LCLAT1: variants seen among roughly 807,000 people sequenced by gnomAD.
The protein encoded by LCLAT1 is 1-AGP acyltransferase 8.
A neutral mutation model predicts 30.7 loss-of-function variants in LCLAT1; 11 were observed. That is an observed-to-expected ratio of 0.36 (90% CI 0.23 to 0.59). LCLAT1 has a LOEUF of 0.59. LCLAT1 is among the 20% of genes least tolerant of loss of function. The pLI, the probability that LCLAT1 is intolerant of heterozygous loss-of-function variation, is 0.77. For synonymous variants in LCLAT1, 155 were observed against 151.3 expected (o/e 1.02, Z -0.18); for missense variants, 402 against 458.6 (o/e 0.88, Z 1.13).
At chr2:30,627,438 T>C (rs906599731) in intron 5 of LCLAT1, among the ~76,000 whole-genome samples, 3 of 152,212 alleles carry the variant, frequency 2.0e-5, no homozygotes, top group African/African-American at 7.2e-5. Flanking sequence ...TTTGTGACCT[T>C]CTAGGTGCAT....
chr2:30,527,027 A>G (rs1039533574), intron 2 of LCLAT1, among the ~76,000 whole-genome samples: 3 of 152,140 alleles, frequency 2.0e-5, no homozygotes, highest in Non-Finnish European at 4.4e-5. Flanking sequence ...ATCACTCTCT[A>G]TTTACAAGGT....
chr2:30,501,080 GTGTGTGTGTGTGTGTGTA>G (rs1018978230), intron 1 of LCLAT1, among the ~76,000 whole-genome samples: 2 of 77,050 alleles, frequency 2.6e-5, no homozygotes, highest in Non-Finnish European at 5.0e-5. Flanking sequence ...TTTGTTCTGT[GTGTGTGTGTGTGTGTGTA>G]TGTGTGTGTG....
intron 5 of LCLAT1, among the ~76,000 whole-genome samples, chr2:30,585,748 C>G (rs1482491122): frequency 6.6e-6 from 1 of 152,100 alleles, no homozygotes; most frequent in East Asian, 1.9e-4. Context: ...ATTTGAACAC[C>G]TTATCCCTGT....
At chr2:30,499,773 A>G (rs567407695) in intron 1 of LCLAT1, among the ~76,000 whole-genome samples, 161 of 152,358 alleles carry the variant, frequency 1.1e-3, no homozygotes, top group African/African-American at 3.7e-3. Flanking sequence ...ACATCCTGCA[A>G]GTACCAATTG....
chr2:30,471,720 T>C (rs1372065014), intron 1 of LCLAT1, among the ~76,000 whole-genome samples: 2 of 152,182 alleles, frequency 1.3e-5, no homozygotes, highest in Non-Finnish European at 2.9e-5. Flanking sequence ...TTGGTTTTTG[T>C]GTGTTGATCT....
chr2:30,597,628 C>G lies in LCLAT1; in HGVS notation c.628+29452C>G, dbSNP rs573875101. Among the ~76,000 whole-genome samples, 226 of 152,176 alleles carry G rather than the reference C, an allele frequency of 1.5e-3. 1 individual carries two copies. The highest frequency in any genetic ancestry group is 2.5e-3 in the Non-Finnish European group (169 of 68,012). ...GCTTCCTCTCTTCCTATGTAGATAC[C>G]CTTTGTTTCTTTCTCTTGCTTGATT... On this transcript the variant is annotated intron_variant, in intron 5 of 5. Transcript: ENST00000379509.
chr2:30,479,684 G>A (rs915713830), intron 1 of LCLAT1, among the ~76,000 whole-genome samples: 5 of 152,112 alleles, frequency 3.3e-5, no homozygotes, highest in African/African-American at 9.7e-5. Context: ...TGGGTTGCAG[G>A]CAATACTCTG....
chr2:30,501,594 G>A (rs947495647), intron 1 of LCLAT1, among the ~76,000 whole-genome samples: 1 of 152,084 alleles, frequency 6.6e-6, no homozygotes, highest in Non-Finnish European at 1.5e-5. Context: ...AGGATCAGTT[G>A]AACCCAGGAG....
rs551586394 is a variant in LCLAT1 at position 30,580,835 on chromosome 2, C to T, written c.628+12659C>T. Among the ~76,000 whole-genome samples the T allele has an allele frequency of 6.6e-5, 10 of 152,126 alleles. No individual in the cohort carries two copies. In the South Asian group the frequency reaches 2.1e-3, roughly 32 times the overall value. On this transcript the variant is annotated intron_variant, in intron 5 of 5. Transcript: ENST00000379509. The stretch of plus-strand genomic sequence containing the variant: ...TCCAAGCCTGGTGAGTAAATCGTTC[C>T]CTTCTTAGTATTCTAAGAGAGTTTA...
At chr2:30,502,397 C>T (rs1249793373) in intron 1 of LCLAT1, among the ~76,000 whole-genome samples, 1 of 152,034 alleles carries the variant, frequency 6.6e-6, no homozygotes, top group Non-Finnish European at 1.5e-5. Context: ...ATCTACAATT[C>T]ACTCATTTAA....
At chr2:30,464,799 G>C (rs781761030) in intron 1 of LCLAT1, among the ~76,000 whole-genome samples, 2 of 152,208 alleles carry the variant, frequency 1.3e-5, no homozygotes, top group African/African-American at 2.4e-5. Flanking sequence ...TAAATCTGGA[G>C]ACTAGGATAG....
chr2:30,529,487 C>G (rs1424663762), intron 2 of LCLAT1, among the ~76,000 whole-genome samples: 2 of 152,088 alleles, frequency 1.3e-5, no homozygotes, highest in Non-Finnish European at 2.9e-5. Flanking sequence ...CCATTCTGTT[C>G]AACATAATGA....
chr2:30,588,681 A>G (rs578002406), intron 5 of LCLAT1, among the ~76,000 whole-genome samples: 162 of 151,880 alleles, frequency 1.1e-3, no homozygotes, highest in African/African-American at 3.7e-3. Flanking sequence ...GCTCACTGCA[A>G]CCTCCGTCTC....
chr2:30,620,366 T>C (rs373002803), intron 5 of LCLAT1, among the ~76,000 whole-genome samples: 1 of 152,196 alleles, frequency 6.6e-6, no homozygotes, highest in South Asian at 2.1e-4. Context: ...TCATTTTCAA[T>C]TCCCCAAGTA....
intron 1 of LCLAT1, among the ~76,000 whole-genome samples, chr2:30,451,062 A>G (rs1013639516): frequency 3.3e-5 from 5 of 152,260 alleles, no homozygotes; most frequent in African/African-American, 1.2e-4. Flanking sequence ...AGATGTCTTG[A>G]ACAGGCACTG....
intron 2 of LCLAT1, among the ~76,000 whole-genome samples, chr2:30,528,630 G>A (rs1276633252): frequency 6.6e-6 from 1 of 152,156 alleles, no homozygotes; most frequent in Non-Finnish European, 1.5e-5. Context: ...TGGACTTACT[G>A]ATAGTGTGAT....
intron 1 of LCLAT1, among the ~76,000 whole-genome samples, chr2:30,470,120 A>G (rs555706170): frequency 5.9e-5 from 9 of 152,252 alleles, no homozygotes; most frequent in South Asian, 2.1e-4. Flanking sequence ...GGTGGGGGTT[A>G]CAGGGCCAGT....
intron 1 of LCLAT1, among the ~76,000 whole-genome samples, chr2:30,473,127 T>G (rs550414929): frequency 6.6e-6 from 1 of 152,308 alleles, no homozygotes; most frequent in East Asian, 1.9e-4. Context: ...TGTTTCTGAT[T>G]AATTCATTAT....
chr2:30,449,688 C>G (rs961031499), intron 1 of LCLAT1, among the ~76,000 whole-genome samples: 2 of 151,918 alleles, frequency 1.3e-5, no homozygotes, highest in Admixed American at 6.6e-5. Context: ...TTAGTAGAGA[C>G]GGGGTTTCTC....
Sources: gnomAD v4.1 joint callset for allele counts (sites outside exome capture counted in the v4.1 genomes callset) on GRCh38, gnomAD v4.1.1 for gene constraint, MANE v1.5 for transcripts, NCBI Gene and HGNC (gene_info 2026-07-23, HGNC 2026-07-21) for gene names.